SGSM1: variants seen among roughly 807,000 people sequenced by gnomAD.
The protein encoded by SGSM1 is RUN and TBC1 domain containing 2.
Under a neutral mutation model 133.8 loss-of-function variants are expected in SGSM1, and 73 were observed. That is an observed-to-expected ratio of 0.55 (90% confidence interval 0.45 to 0.66). The LOEUF is 0.66. Among genes scored for constraint, SGSM1 ranks in the 30% least tolerant of loss-of-function variants. SGSM1 has a pLI of 0.00. For missense variants in SGSM1, 1,213 were observed against 1,448.1 expected, an observed-to-expected ratio of 0.84 and a Z score of 2.64; for synonymous variants, 563 against 573.0, an observed-to-expected ratio of 0.98 and a Z score of 0.25.
intron 2 of SGSM1, among the ~76,000 whole-genome samples, chr22:24,842,836 C>G (rs950601187): frequency 1.3e-5 from 2 of 152,188 alleles, no homozygotes; most frequent in African/African-American, 4.8e-5. Flanking sequence ...ACATTTATTG[C>G]GTGCCAGGTT....
intron 22 of SGSM1, among the ~76,000 whole-genome samples, chr22:24,913,291 T>TC (rs1933700072): frequency 1.4e-5 from 1 of 72,584 alleles, no homozygotes; most frequent in Admixed American, 1.6e-4. Flanking sequence ...AGACTCCATC[T>TC]CAAAAAAAAA....
chr22:24,851,621 C>A (rs991480514), intron 5 of SGSM1, among the ~76,000 whole-genome samples: 7 of 152,154 alleles, frequency 4.6e-5, no homozygotes, highest in Non-Finnish European at 4.4e-5. Context: ...GAAAAGTCCC[C>A]CTTCTCATGA....
intron 12 of SGSM1, among the ~76,000 whole-genome samples, chr22:24,875,594 C>G (rs1272308038): frequency 6.6e-6 from 1 of 150,468 alleles, no homozygotes; most frequent in Non-Finnish European, 1.5e-5. Context: ...GAGCCAAGAC[C>G]ACGCCACTGC....
intron 8 of SGSM1, among the ~76,000 whole-genome samples, chr22:24,858,798 A>C (rs1223670493): frequency 6.6e-6 from 1 of 152,326 alleles, no homozygotes; most frequent in Admixed American, 6.5e-5. Flanking sequence ...GTTGAATCGC[A>C]GTCAAATCTT....
intron 13 of SGSM1, among the ~76,000 whole-genome samples, chr22:24,877,728 T>C (rs1166623137): frequency 6.6e-6 from 1 of 151,964 alleles, no homozygotes; most frequent in Non-Finnish European, 1.5e-5. Flanking sequence ...AGAACCTGTA[T>C]TTAACGTGGT....
At chr22:24,919,746 C>T (rs1933940368) in intron 23 of SGSM1, 80 bp from the exon 24 acceptor site, 1 of 1,563,472 alleles carries the variant, frequency 6.4e-7, no homozygotes, top group Admixed American at 1.7e-5. Context: ...ATTTTCCCAC[C>T]TTGGGGGGCT....
chr22:24,866,664 C>T (rs745434573), intron 9 of SGSM1, among the ~76,000 whole-genome samples: 2 of 152,208 alleles, frequency 1.3e-5, no homozygotes, highest in African/African-American at 2.4e-5. Context: ...CTGCCCTTAC[C>T]ACTACTCTCC....
rs1172337636 is a variant in SGSM1, at chr22:24,875,147, A to T, written c.1292-1430A>T. On this transcript the variant is annotated intron_variant, in intron 12 of 24. Transcript: ENST00000400358. ...GGGTATTACCAGTTGTCCTGTGGGG[A>T]CCATGACATATGGGAAAAAAAGTGT... Among the ~76,000 whole-genome samples, 45 of 152,112 alleles carry T rather than the reference A, an allele frequency of 3.0e-4. 1 individual carries two copies. Among genetic ancestry groups the T allele is most frequent in the Non-Finnish European group, 2.1e-4 (14 of 68,014 alleles).
chr22:24,814,269 AAAAAC>A (rs148204768), intron 2 of SGSM1: 42,472 of 150,546 alleles, frequency 0.28, 6,452 homozygotes, highest in East Asian at 0.54. Flanking sequence ...TAAAGATTAA[AAAAAC>A]AAAACAAAAC....
At chr22:24,897,109 G>C (rs1932934937) in intron 18 of SGSM1, among the ~76,000 whole-genome samples, 2 of 152,146 alleles carry the variant, frequency 1.3e-5, no homozygotes, top group East Asian at 3.9e-4. Flanking sequence ...GCGGGGCGTG[G>C]TGGCTCACGC....
intron 19 of SGSM1, among the ~76,000 whole-genome samples, 197 bp downstream of exon 19, chr22:24,898,756 T>G (rs962677278): frequency 2.6e-5 from 4 of 152,024 alleles, no homozygotes; most frequent in Non-Finnish European, 1.5e-5. Flanking sequence ...GGCTGGGCAC[T>G]GTGGCTCACA....
In SGSM1 at chr22:24,919,986, C is replaced by A. The variant is rs772525582; in HGVS notation, c.3186C>A (p.Phe1062Leu). 1.2e-6 allele frequency: 2 copies of A among 1,601,066 alleles called. No homozygotes were observed. Among genetic ancestry groups the A allele is most frequent in the Non-Finnish European group, 1.7e-6 (2 of 1,173,706 alleles). ...NNMDFTDIIK[F>L]FNEMAERHNT... is the part of the protein sequence containing the mutation. Reference sequence around the variant, plus strand: ...TGGATTTCACAGACATCATCAAATTCTTTAATGGTACCCACATGACTGGGG... The same window carrying A: ...TGGATTTCACAGACATCATCAAATTATTTAATGGTACCCACATGACTGGGG... Residue 1062 changes from phenylalanine to leucine, a missense_variant, in exon 24 of 25, where the codon TTC becomes TTA. Phe to Leu is a conservative substitution (Grantham distance 22). Coordinates refer to ENST00000400358, the MANE Select transcript of SGSM1 (RefSeq NM_001098497.3).
chr22:24,916,641 T>G (rs1933831852), intron 22 of SGSM1, among the ~76,000 whole-genome samples: 1 of 151,984 alleles, frequency 6.6e-6, no homozygotes, highest in Admixed American at 6.6e-5. Flanking sequence ...GAGGTTGCAG[T>G]GAGCTGAAAT....
At chr22:24,890,170 A>G (rs1034780418) in intron 16 of SGSM1, among the ~76,000 whole-genome samples, 40 of 151,408 alleles carry the variant, frequency 2.6e-4, no homozygotes, top group Admixed American at 2.4e-3. Context: ...GTTAGATAGG[A>G]TGGTCTCGAT....
chr22:24,827,770 G>A (rs749009427), intron 2 of SGSM1, among the ~76,000 whole-genome samples: 2 of 152,058 alleles, frequency 1.3e-5, no homozygotes, highest in Non-Finnish European at 2.9e-5. Flanking sequence ...CCCACATGAC[G>A]TTGGAAACTT....
At chr22:24,903,784 C>T (rs1341843265) in intron 20 of SGSM1, among the ~76,000 whole-genome samples, 1 of 151,742 alleles carries the variant, frequency 6.6e-6, no homozygotes. Context: ...CCAGCCTGGC[C>T]AACATGGCGA....
chr22:24,865,614 G>A (rs1647195445), intron 9 of SGSM1, among the ~76,000 whole-genome samples: 1 of 152,256 alleles, frequency 6.6e-6, no homozygotes, highest in Non-Finnish European at 1.5e-5. Flanking sequence ...TTTGAACGCT[G>A]CCTGACCTTG....
intron 2 of SGSM1, among the ~76,000 whole-genome samples, chr22:24,842,202 G>A (rs973337787): frequency 6.6e-6 from 1 of 152,156 alleles, no homozygotes; most frequent in Non-Finnish European, 1.5e-5. Context: ...CTGCAGAGGG[G>A]AGAGAGGTGT....
rs536040085 is a variant in SGSM1 at position 24,849,188 on chromosome 22, A to T, written c.303-1092A>T. 7.9e-5 allele frequency among the ~76,000 whole-genome samples: 12 copies of T among 151,996 alleles called. No homozygotes were observed. The East Asian group carries it at 2.3e-3, about 29-fold the overall frequency. ...TCAGCCAGTGTGCTGGGCCCTGGAG[A>T]TACAGAAATGAAGAGGGCCAATGCT... On this transcript the variant is annotated intron_variant, in intron 4 of 24. Coordinates refer to ENST00000400358, the MANE Select transcript of SGSM1 (RefSeq NM_001098497.3).
Sources: allele counts gnomAD v4.1 joint callset (sites outside exome capture counted in the v4.1 genomes callset), GRCh38; gene constraint gnomAD v4.1.1; transcripts MANE v1.5; gene names NCBI Gene and HGNC (gene_info 2026-07-23, HGNC 2026-07-21).